HHAT: variants seen among roughly 807,000 people sequenced by gnomAD.
The protein encoded by HHAT is hedgehog acyltransferase.
Under a neutral mutation model 70.8 loss-of-function variants are expected in HHAT, and 47 were observed. That is an observed-to-expected ratio of 0.66 (90% CI 0.53 to 0.85). The LOEUF (loss-of-function observed/expected upper bound fraction) is 0.85. Ranked by LOEUF, HHAT falls within the 40% of genes least tolerant of loss-of-function variation. The pLI, the probability that HHAT is intolerant of heterozygous loss-of-function variation, is 0.00. For synonymous variants in HHAT, 228 were observed against 247.6 expected (o/e 0.92, Z 0.74); for missense variants, 609 against 604.8 (o/e 1.01, Z -0.07).
In HHAT at chr1:210,464,707, A is replaced by T. The variant is rs753783892; in HGVS notation, c.1007+52A>T. 5.6e-6 allele frequency: 9 copies of T among 1,604,382 alleles called. No individual in the cohort carries two copies. In the African/African-American group the frequency reaches 1.1e-4, roughly 19 times the overall value. On this transcript the variant is annotated intron_variant, in intron 8 of 11. Transcript: ENST00000261458. ...GTCAGGCATGTCCAGTGGGAGGAGC[A>T]TGGCTGGGCCGGCCTCAAAGGGTTC...
At chr1:210,600,820 T>C (rs1017330990) in intron 10 of HHAT, among the ~76,000 whole-genome samples, 1 of 152,150 alleles carries the variant, frequency 6.6e-6, no homozygotes, top group East Asian at 1.9e-4. Context: ...TCCTTCAGGC[T>C]GCTTGTCGAT....
intron 6 of HHAT, among the ~76,000 whole-genome samples, chr1:210,416,793 A>G (rs1203825808): frequency 6.6e-6 from 1 of 152,240 alleles, no homozygotes; most frequent in Non-Finnish European, 1.5e-5. Context: ...GGATGGGAAG[A>G]CACACATGGA....
At chr1:210,557,475 C>T (rs967032604) in intron 9 of HHAT, among the ~76,000 whole-genome samples, 2 of 152,068 alleles carry the variant, frequency 1.3e-5, no homozygotes, top group Non-Finnish European at 1.5e-5. Flanking sequence ...TGAATCAGGC[C>T]AGTTACTTTT....
At chr1:210,584,067 C>T (rs887945681) in intron 9 of HHAT, among the ~76,000 whole-genome samples, 6 of 148,916 alleles carry the variant, frequency 4.0e-5, no homozygotes, top group Non-Finnish European at 5.9e-5. Flanking sequence ...CTAAGCCTCC[C>T]GAGTAGCTGA....
At chr1:210,509,854 G>A (rs2094925230) in intron 8 of HHAT, among the ~76,000 whole-genome samples, 1 of 152,112 alleles carries the variant, frequency 6.6e-6, no homozygotes, top group Non-Finnish European at 1.5e-5. Flanking sequence ...CATTGCAAAG[G>A]CTCTTATATT....
At chr1:210,595,281 C>A (rs927127603) in intron 10 of HHAT, among the ~76,000 whole-genome samples, 9 of 152,180 alleles carry the variant, frequency 5.9e-5, no homozygotes, top group African/African-American at 2.2e-4. Flanking sequence ...CATGTCCCTA[C>A]AAAGGACATG....
chr1:210,427,742 G>A (rs565616354), intron 7 of HHAT, among the ~76,000 whole-genome samples: 32 of 152,250 alleles, frequency 2.1e-4, no homozygotes, highest in African/African-American at 7.0e-4. Context: ...TAGAGTATGT[G>A]CCATGTGATG....
At chr1:210,567,795 C>CT (rs1440874334) in intron 9 of HHAT, among the ~76,000 whole-genome samples, 1 of 152,138 alleles carries the variant, frequency 6.6e-6, no homozygotes, top group African/African-American at 2.4e-5. Context: ...ACCCAGGGAC[C>CT]TGCTTGCTGA....
intron 6 of HHAT, among the ~76,000 whole-genome samples, chr1:210,409,613 AGTGGCCCAG>A (rs1293576156): frequency 6.6e-6 from 1 of 152,184 alleles, no homozygotes; most frequent in Non-Finnish European, 1.5e-5. Flanking sequence ...CTAATAAGTT[AGTGGCCCAG>A]GTGGCCCAGT....
At chr1:210,467,013 A>C (rs2094121759) in intron 8 of HHAT, among the ~76,000 whole-genome samples, 1 of 152,232 alleles carries the variant, frequency 6.6e-6, no homozygotes, top group Non-Finnish European at 1.5e-5. Flanking sequence ...CGTTCTAAAA[A>C]GAGGTGTTTC....
chr1:210,475,081 G>A (rs900611005), intron 8 of HHAT, among the ~76,000 whole-genome samples: 2 of 151,508 alleles, frequency 1.3e-5, no homozygotes, highest in Admixed American at 6.6e-5. Flanking sequence ...CACTGGTCTC[G>A]AACTCCTGAG....
At chr1:210,553,784 C>T (rs1262325264) in intron 9 of HHAT, among the ~76,000 whole-genome samples, 1 of 152,126 alleles carries the variant, frequency 6.6e-6, no homozygotes, top group Non-Finnish European at 1.5e-5. Flanking sequence ...GGCTCTGCCT[C>T]CTCCTCTCCC....
At chr1:210,607,786 A>T (rs1665798126) in intron 10 of HHAT, among the ~76,000 whole-genome samples, 1 of 151,134 alleles carries the variant, frequency 6.6e-6, no homozygotes, top group South Asian at 2.1e-4. Flanking sequence ...TCACGACCAT[A>T]TGCCTTAAAA....
At chr1:210,456,690 T>C (rs2093875784) in intron 7 of HHAT, among the ~76,000 whole-genome samples, 1 of 152,226 alleles carries the variant, frequency 6.6e-6, no homozygotes, top group African/African-American at 2.4e-5. Context: ...AATGACACTG[T>C]TGAGCTCAGA....
At chr1:210,516,075 A>T (rs2095051732) in intron 9 of HHAT, among the ~76,000 whole-genome samples, 1 of 85,224 alleles carries the variant, frequency 1.2e-5, no homozygotes, top group Admixed American at 1.1e-4. Context: ...GTCTCAAAAG[A>T]AAAAGAAAAA....
chr1:210,430,197 A>C (rs776872673), intron 7 of HHAT, among the ~76,000 whole-genome samples: 13 of 151,802 alleles, frequency 8.6e-5, no homozygotes, highest in Non-Finnish European at 1.8e-4. Flanking sequence ...TCTCTTGATG[A>C]GCCTTTATTT....
At chr1:210,586,186 G>T (rs2148782105) in intron 9 of HHAT, among the ~76,000 whole-genome samples, 1 of 152,220 alleles carries the variant, frequency 6.6e-6, no homozygotes, top group East Asian at 1.9e-4. Context: ...ACTCATACCT[G>T]TAATCCTTGC....
At chr1:210,454,339 G>A (rs184946067) in intron 7 of HHAT, among the ~76,000 whole-genome samples, 2 of 152,276 alleles carry the variant, frequency 1.3e-5, no homozygotes, top group East Asian at 3.9e-4. Flanking sequence ...AGATCACAAG[G>A]TCAGGAGATT....
intron 8 of HHAT, among the ~76,000 whole-genome samples, chr1:210,492,740 A>C (rs2094571135): frequency 6.6e-6 from 1 of 152,210 alleles, no homozygotes; most frequent in African/African-American, 2.4e-5. Context: ...GTCTCAGCTC[A>C]AAATAAGGAA....
Sources: gnomAD v4.1 joint callset for allele counts (sites outside exome capture counted in the v4.1 genomes callset) on GRCh38, gnomAD v4.1.1 for gene constraint, MANE v1.5 for transcripts, NCBI Gene and HGNC (gene_info 2026-07-23, HGNC 2026-07-21) for gene names.